EPB41L2: variants seen among roughly 807,000 people sequenced by gnomAD.
The protein encoded by EPB41L2 is band 4.1-like protein 2.
Under a neutral mutation model 113.0 loss-of-function variants are expected in EPB41L2, and 43 were observed. The observed-to-expected ratio is 0.38, with a 90% CI of 0.30 to 0.49. EPB41L2 has a LOEUF of 0.49. Among genes scored for constraint, EPB41L2 ranks in the 20% least tolerant of loss-of-function variants. EPB41L2 has a pLI of 0.95. For missense variants in EPB41L2, 1,147 were observed against 1,223.4 expected (o/e 0.94, Z 0.93); for synonymous variants, 442 against 436.7 (o/e 1.01, Z -0.15).
intron 3 of EPB41L2, among the ~76,000 whole-genome samples, chr6:130,952,929 AT>A (rs902279940): frequency 6.6e-6 from 1 of 151,230 alleles, no homozygotes; most frequent in African/African-American, 2.4e-5. Context: ...ATATTTTATG[AT>A]TTTTTTTAAA....
At chr6:130,935,538 T>C (rs1299603069) in intron 3 of EPB41L2, among the ~76,000 whole-genome samples, 3 of 152,094 alleles carry the variant, frequency 2.0e-5, no homozygotes, top group Non-Finnish European at 4.4e-5. Flanking sequence ...ATGTGGAAAA[T>C]GGCACCAAAA....
intron 1 of EPB41L2, among the ~76,000 whole-genome samples, chr6:130,979,492 CA>C (rs34912861): frequency 0.48 from 40,709 of 85,380 alleles, 5,191 homozygotes; most frequent in South Asian, 0.54. Flanking sequence ...GAGACTCTGT[CA>C]AAAAAAAAAA....
At chr6:130,852,203 C>T (rs998088184) in intron 19 of EPB41L2, among the ~76,000 whole-genome samples, 2 of 152,174 alleles carry the variant, frequency 1.3e-5, no homozygotes, top group African/African-American at 4.8e-5. Context: ...CCCCAGTTTA[C>T]AGATGACAGC....
chr6:130,968,251 A>ATT lies in EPB41L2; in HGVS notation c.-14-11754_-14-11753dup, dbSNP rs534247079. ...TAAACGCACAGGCTGCAGACGCTGCATTTTAATAGGTCATAAGACAAAAGC... is the reference window on the plus strand; with the variant it reads ...TAAACGCACAGGCTGCAGACGCTGCATTTTTTAATAGGTCATAAGACAAAAGC... On this transcript the variant is annotated intron_variant, in intron 1 of 19. Transcript: ENST00000337057. 8.5e-5 allele frequency among the ~76,000 whole-genome samples: 13 copies of ATT among 152,332 alleles called. No homozygotes were observed. In the South Asian group the frequency reaches 2.5e-3, roughly 29 times the overall value.
chr6:131,053,676 G>T (rs541704642), intron 1 of EPB41L2, among the ~76,000 whole-genome samples: 1 of 152,166 alleles, frequency 6.6e-6, no homozygotes, highest in East Asian at 1.9e-4. Context: ...CACTTGGGGC[G>T]TGACTGCCTT....
chr6:130,936,094 C>G (rs981227998), intron 3 of EPB41L2, among the ~76,000 whole-genome samples: 1 of 152,166 alleles, frequency 6.6e-6, no homozygotes, highest in Non-Finnish European at 1.5e-5. Context: ...AGTTGCTCAG[C>G]CATTCATAAA....
intron 1 of EPB41L2, among the ~76,000 whole-genome samples, chr6:131,056,768 A>T (rs1328263159): frequency 1.3e-5 from 2 of 152,228 alleles, no homozygotes; most frequent in African/African-American, 2.4e-5. Context: ...CGAGGCTTTG[A>T]GAAATAATTT....
intron 1 of EPB41L2, among the ~76,000 whole-genome samples, chr6:130,964,854 CAAAG>C (rs1198830080): frequency 6.6e-6 from 1 of 152,078 alleles, no homozygotes; most frequent in Non-Finnish European, 1.5e-5. Context: ...ATGGGTTGGT[CAAAG>C]CCATATAACC....
At chr6:130,996,259 A>C (rs1206443199) in intron 1 of EPB41L2, among the ~76,000 whole-genome samples, 1 of 152,208 alleles carries the variant, frequency 6.6e-6, no homozygotes, top group East Asian at 1.9e-4. Context: ...AGAGCTTGGA[A>C]TCATTCTATA....
At chr6:130,858,297 A>T in intron 18 of EPB41L2, 54 bp from the exon 19 acceptor site, 4 of 1,408,858 alleles carry the variant, frequency 2.8e-6, no homozygotes, top group Non-Finnish European at 2.9e-6. Context: ...CCTCCACCTC[A>T]CAATGGCAAA....
At chr6:130,914,611 A>G (rs367566604) in intron 4 of EPB41L2, among the ~76,000 whole-genome samples, 15 of 152,218 alleles carry the variant, frequency 9.9e-5, no homozygotes, top group African/African-American at 3.6e-4. Flanking sequence ...CCAGGGAAGG[A>G]ACTCAGGAAA....
chr6:130,913,364 C>T (rs975819081), intron 4 of EPB41L2, among the ~76,000 whole-genome samples: 16 of 152,164 alleles, frequency 1.1e-4, no homozygotes, highest in African/African-American at 3.9e-4. Flanking sequence ...ATGACTTCCT[C>T]ACCGCGTTTT....
At position 130,870,124 on chromosome 6, in the gene EPB41L2, ACTCTGT is replaced by A. The variant is rs1231701041; in HGVS notation, c.2044-4_2045del. ...CCACTATATTCAGAGTCTCATGTGA[ACTCTGT>A]ACAAAAAAAGATGGATGAGGGAAAA... On this transcript the variant is annotated splice_acceptor_variant and splice_polypyrimidine_tract_variant and coding_sequence_variant and intron_variant, in exon 15 of 20. Transcript: ENST00000337057. LOFTEE classifies it high-confidence loss of function. The A allele has an allele frequency of 6.3e-7, 1 of 1,594,008 alleles. No individual in the cohort carries two copies. The highest frequency in any genetic ancestry group is 8.5e-7 in the Non-Finnish European group (1 of 1,170,354).
At chr6:130,874,595 A>T (rs1366777801) in intron 14 of EPB41L2, among the ~76,000 whole-genome samples, 2 of 152,214 alleles carry the variant, frequency 1.3e-5, no homozygotes, top group African/African-American at 4.8e-5. Flanking sequence ...TTGTTGGGCA[A>T]ACGGATGAAT....
chr6:130,910,142 C>T (rs1464771997), intron 4 of EPB41L2, among the ~76,000 whole-genome samples: 1 of 152,192 alleles, frequency 6.6e-6, no homozygotes, highest in Non-Finnish European at 1.5e-5. Flanking sequence ...TACAAGGCTA[C>T]AGTAACCAAA....
At chr6:130,967,132 C>A (rs549607245) in intron 1 of EPB41L2, among the ~76,000 whole-genome samples, 2 of 152,134 alleles carry the variant, frequency 1.3e-5, no homozygotes, top group South Asian at 4.2e-4. Flanking sequence ...TCCACAGATA[C>A]CCAAATCCAC....
intron 1 of EPB41L2, among the ~76,000 whole-genome samples, chr6:131,055,057 T>C (rs1424698211): frequency 6.6e-6 from 1 of 152,252 alleles, no homozygotes; most frequent in Non-Finnish European, 1.5e-5. Flanking sequence ...CTTACTCATA[T>C]AACCTCCAGT....
chr6:130,983,074 G>A (rs144298163), intron 1 of EPB41L2, among the ~76,000 whole-genome samples: 14 of 152,186 alleles, frequency 9.2e-5, no homozygotes, highest in African/African-American at 2.4e-4. Flanking sequence ...CTCACATTCC[G>A]GTGTCTCACA....
At chr6:130,876,857 C>T in intron 14 of EPB41L2, 1 of 788,682 alleles carries the variant, frequency 1.3e-6, no homozygotes, top group Non-Finnish European at 1.8e-6. Flanking sequence ...AAATACTGAC[C>T]CAGTGTGGGT....
Sources: gnomAD v4.1 joint callset for allele counts (sites outside exome capture counted in the v4.1 genomes callset) on GRCh38, gnomAD v4.1.1 for gene constraint, MANE v1.5 for transcripts, NCBI Gene and HGNC (gene_info 2026-07-23, HGNC 2026-07-21) for gene names.